KLF13: variants seen among roughly 807,000 people sequenced by gnomAD.
KLF13 encodes KLF transcription factor 13.
KLF13 carries 8 observed loss-of-function variants against 16.7 expected under a neutral mutation model. That is an observed-to-expected ratio of 0.48 (90% CI 0.28 to 0.87). KLF13 has a LOEUF of 0.87. Among genes scored for constraint, KLF13 ranks in the 40% least tolerant of loss-of-function variants. The pLI is 0.10. For synonymous variants in KLF13, 245 were observed against 208.4 expected (o/e 1.18, Z -1.51); for missense variants, 447 against 452.2 (o/e 0.99, Z 0.10).
At chr15:31,403,900 G>A (rs974205903) in exon 3 of KLF13, 1 of 152,352 alleles carries the variant, frequency 6.6e-6, no homozygotes, top group East Asian at 1.9e-4. Flanking sequence ...TCCCGGACTG[G>A]AGCGCCAGCT....
At position 31,372,336 on chromosome 15, in the gene KLF13, C is replaced by T. The variant is rs756824333; in HGVS notation, c.*37C>T. 70 of 1,432,258 alleles carry T rather than the reference C, an allele frequency of 4.9e-5. No homozygotes were observed. The highest frequency in any genetic ancestry group is 5.6e-5 in the Non-Finnish European group (61 of 1,096,742). The allele number at this position is 1,432,258 out of a possible 1,614,324, so 88.7% of individuals were successfully genotyped here. On this transcript the variant is annotated 3_prime_UTR_variant, in exon 2 of 2. Coordinates refer to ENST00000307145, the MANE Select transcript of KLF13 (RefSeq NM_015995.4). ...CCATGAGCAGCCGCTCCCACCCCCT[C>T]GTGAGTCCCTGGCCTTTCCTTTTGT...
chr15:31,424,906 A>ACACACAC, intron 1 of KLF13, among the ~76,000 whole-genome samples: 1 of 48,520 alleles, frequency 2.1e-5, no homozygotes, highest in Non-Finnish European at 4.8e-5. Flanking sequence ...CACACACACA[A>ACACACAC]AGCTCTTAGA....
At chr15:31,423,164 T>TACGTATATATATACGTATATATAC (rs371896440) in intron 1 of KLF13, among the ~76,000 whole-genome samples, 3 of 25,372 alleles carry the variant, frequency 1.2e-4, no homozygotes, top group South Asian at 1.3e-3. Flanking sequence ...CGTATATATA[T>TACGTATATATATACGTATATATAC]GTATATATAT....
At chr15:31,340,731 T>C (rs1224590271) in intron 1 of KLF13, among the ~76,000 whole-genome samples, 3 of 152,148 alleles carry the variant, frequency 2.0e-5, no homozygotes, top group African/African-American at 7.2e-5. Context: ...CCACTGGGCA[T>C]GGTGGTGCAC....
chr15:31,367,936 G>T (rs2039501545), intron 1 of KLF13, among the ~76,000 whole-genome samples: 1 of 152,132 alleles, frequency 6.6e-6, no homozygotes, highest in Non-Finnish European at 1.5e-5. Context: ...AGAAATCAAG[G>T]TGTTGGCAGG....
downstream of KLF13, among the ~76,000 whole-genome samples, chr15:31,381,085 C>T (rs1038263135): frequency 3.3e-5 from 5 of 149,408 alleles, no homozygotes; most frequent in African/African-American, 1.2e-4. Flanking sequence ...GGCAGGAGAA[C>T]GGCTTGAACC....
intron 2 of KLF13, among the ~76,000 whole-genome samples, chr15:31,394,661 GATATAATTCACAT>G (rs1436892562): frequency 6.6e-6 from 1 of 152,144 alleles, no homozygotes; most frequent in Non-Finnish European, 1.5e-5. Flanking sequence ...ACTTTTTTGA[GATATAATTCACAT>G]ATATAATTCA....
At chr15:31,418,075 C>T (rs961979706) in intron 1 of KLF13, among the ~76,000 whole-genome samples, 7 of 151,996 alleles carry the variant, frequency 4.6e-5, no homozygotes, top group Non-Finnish European at 8.8e-5. Flanking sequence ...TATAAAAAGA[C>T]AAAATAGAGC....
intron 2 of KLF13, among the ~76,000 whole-genome samples, chr15:31,401,477 G>A (rs1180155344): frequency 5.9e-5 from 9 of 152,218 alleles, no homozygotes; most frequent in Admixed American, 4.6e-4. Context: ...TGCTTTGAGG[G>A]GAGCAGGGGT....
At chr15:31,367,569 TC>T (rs2140962764) in intron 1 of KLF13, among the ~76,000 whole-genome samples, 1 of 152,144 alleles carries the variant, frequency 6.6e-6, no homozygotes, top group East Asian at 1.9e-4. Flanking sequence ...CTCACATGCT[TC>T]CCCAGCCTGC....
intron 1 of KLF13, among the ~76,000 whole-genome samples, chr15:31,434,268 A>T (rs2040504524): frequency 6.6e-6 from 1 of 152,214 alleles, no homozygotes; most frequent in East Asian, 1.9e-4. Context: ...ACAGCTGGAC[A>T]TACAGCTGCC....
At chr15:31,407,909 T>C (rs1024887993), downstream of KLF13, among the ~76,000 whole-genome samples, 3 of 152,224 alleles carry the variant, frequency 2.0e-5, no homozygotes, top group Non-Finnish European at 2.9e-5. Context: ...ACCATGTATA[T>C]ACCTCATACT....
At chr15:31,378,254 G>T (rs1039973576), downstream of KLF13, among the ~76,000 whole-genome samples, 14 of 152,118 alleles carry the variant, frequency 9.2e-5, no homozygotes, top group African/African-American at 3.1e-4. Context: ...TCCTTTTCCT[G>T]GGCAGCAGCC....
At position 31,432,510 on chromosome 15, in the gene KLF13, G is replaced by A. The variant is rs527810076; in HGVS notation, n.118-2860G>A. Reference sequence around the variant, plus strand: ...GTTGCCCAGGCTGGAGTGCAGTGGTGTGATCACCGCTCACTGGAGCCTCAG... The same window carrying A: ...GTTGCCCAGGCTGGAGTGCAGTGGTATGATCACCGCTCACTGGAGCCTCAG... On this transcript the variant is annotated intron_variant and non_coding_transcript_variant, in intron 1 of 1. Transcript: ENST00000558225. Among the ~76,000 whole-genome samples the A allele has an allele frequency of 1.0e-4, 15 of 146,572 alleles. No individual in the cohort carries two copies. In the South Asian group the frequency reaches 3.0e-3, roughly 29 times the overall value.
rs370978864 is a variant in KLF13, at chr15:31,415,630, C to T, written n.118-19740C>T. Among the ~76,000 whole-genome samples the T allele has an allele frequency of 1.8e-4, 27 of 152,074 alleles. No individual in the cohort carries two copies. The East Asian group carries it at 4.1e-3, about 23-fold the overall frequency. On this transcript the variant is annotated intron_variant and non_coding_transcript_variant, in intron 1 of 1. Coordinates refer to the KLF13 transcript ENST00000558225. The stretch of plus-strand genomic sequence containing the variant: ...ACGACATCCCCAAAGTAAAGGAATG[C>T]GAGTAAAGCAGTGCTTAGAGGGAAA...
chr15:31,346,572 C>T (rs2039122692), intron 1 of KLF13, among the ~76,000 whole-genome samples: 1 of 152,252 alleles, frequency 6.6e-6, no homozygotes, highest in Admixed American at 6.5e-5. Context: ...TCATGCTGCC[C>T]CCTGCCCCAG....
At chr15:31,356,624 A>G (rs1055545421) in intron 1 of KLF13, among the ~76,000 whole-genome samples, 2 of 152,208 alleles carry the variant, frequency 1.3e-5, no homozygotes, top group Non-Finnish European at 2.9e-5. Context: ...ATGGGAGGCC[A>G]TTGTTTTAAG....
rs145273417 is a variant in KLF13, at chr15:31,401,206, C to T, written n.530-2222C>T. Among the ~76,000 whole-genome samples the T allele has an allele frequency of 3.0e-4, 45 of 152,236 alleles. 1 individual carries two copies. Among genetic ancestry groups the T allele is most frequent in the African/African-American group, 1.1e-3 (44 of 41,532 alleles). ...GTAGAGACCGGGTTTCACCATGTTG[C>T]CCAGGCTGGTCTCGAACTCCTGACC... On this transcript the variant is annotated intron_variant and non_coding_transcript_variant, in intron 2 of 2. Coordinates refer to the KLF13 transcript ENST00000500533.
At chr15:31,369,468 T>G (rs1309788668) in intron 1 of KLF13, among the ~76,000 whole-genome samples, 1 of 152,250 alleles carries the variant, frequency 6.6e-6, no homozygotes, top group South Asian at 2.1e-4. Context: ...CATGAGGCAT[T>G]TTCGTTTACA....
Sources: gnomAD v4.1 joint callset for allele counts (sites outside exome capture counted in the v4.1 genomes callset) on GRCh38, gnomAD v4.1.1 for gene constraint, MANE v1.5 for transcripts, NCBI Gene and HGNC (gene_info 2026-07-23, HGNC 2026-07-21) for gene names.